The following PKHD1L1 variants were observed in gnomAD, a reference collection of about 807,000 sequenced individuals.
The protein encoded by PKHD1L1 is fibrocystin-L.
PKHD1L1 carries 434 observed loss-of-function variants against 462.9 expected under a neutral mutation model. That is an observed-to-expected ratio of 0.94 (90% CI 0.87 to 1.02). PKHD1L1 has a LOEUF of 1.02. Among genes scored for constraint, PKHD1L1 ranks in the 50% least tolerant of loss-of-function variants. PKHD1L1 has a pLI of 0.00. For synonymous variants in PKHD1L1, 1,781 were observed against 1,750.0 expected, an observed-to-expected ratio of 1.02 and a Z score of -0.44; for missense variants, 5,202 against 5,096.1, an observed-to-expected ratio of 1.02 and a Z score of -0.63.
chr8:109,480,398 T>C (rs866315791), intron 55 of PKHD1L1, among the ~76,000 whole-genome samples: 5 of 152,024 alleles, frequency 3.3e-5, no homozygotes, highest in East Asian at 1.9e-4. Context: ...ATAGAATATC[T>C]ATGTCATTAT....
rs142919709 is a variant in PKHD1L1, at chr8:109,454,171, G to A, written c.6669G>A (p.Gly2223=). Residue 2223 remains glycine (G), a synonymous_variant, in exon 44 of 78, where the codon GGG becomes GGA. Transcript: ENST00000378402. ...PILKMLLIQG[G]TLIFDEADIE... ...TCAAAATTGTATGATTCATAGGTGG[G>A]ACTCTAATATTTGATGAAGCTGACA... is the stretch of plus-strand genomic sequence containing the variant. 13 of 1,602,190 alleles carry A rather than the reference G, an allele frequency of 8.1e-6. No individual in the cohort carries two copies. The highest frequency in any genetic ancestry group is 8.5e-6 in the Non-Finnish European group (10 of 1,173,650).
intron 7 of PKHD1L1, 26 bp downstream of exon 7, chr8:109,388,576 AC>A: frequency 6.9e-7 from 1 of 1,442,240 alleles, no homozygotes; most frequent in Non-Finnish European, 9.5e-7. Flanking sequence ...TATTTTCTTT[AC>A]AAAAACAAAT....
At position 109,482,970 on chromosome 8, in the gene PKHD1L1, G is replaced by A. The variant is rs1818344369; in HGVS notation, c.9458-17G>A. 2 of 1,530,840 alleles carry A rather than the reference G, an allele frequency of 1.3e-6. No individual in the cohort carries two copies. The highest frequency in any genetic ancestry group is 1.8e-6 in the Non-Finnish European group (2 of 1,122,920). 94.8% of individuals were successfully genotyped at this position (1,530,840 alleles called of 1,614,324 possible). ...TACTGTGGGGTGAATAAGTAGGAGT[G>A]TGCTTTTCTTCTTTAGGGGTGTTTG... On this transcript the variant is annotated splice_polypyrimidine_tract_variant and intron_variant, in intron 56 of 77. Transcript: ENST00000378402.
At chr8:109,527,170 T>C (rs1820859768) in intron 77 of PKHD1L1, 150 bp downstream of exon 77, 2 of 711,094 alleles carry the variant, frequency 2.8e-6, no homozygotes, top group Non-Finnish European at 4.6e-6. Flanking sequence ...AGACAACCTA[T>C]GGAAAATGTT....
chr8:109,462,464 C>G (rs1321510740), intron 48 of PKHD1L1, among the ~76,000 whole-genome samples: 1 of 152,168 alleles, frequency 6.6e-6, no homozygotes, highest in Non-Finnish European at 1.5e-5. Flanking sequence ...TCGTGCCATG[C>G]TAGTCATAGA....
chr8:109,448,246 C>T lies in PKHD1L1; in HGVS notation c.5880C>T (p.Ala1960=). The T allele has an allele frequency of 6.2e-7, 1 of 1,613,104 alleles. No individual in the cohort carries two copies. Residue 1960 remains alanine (A), a synonymous_variant, in exon 39 of 78, where the codon GCC becomes GCT. Transcript: ENST00000378402. ...INNIQCNVTM[A]NDSVVQCIVG... The stretch of plus-strand genomic sequence containing the variant: ...ACATTCAGTGTAATGTAACCATGGC[C>T]AATGATAGTGTGGTGCAGTGCATCG...
chr8:109,479,472 T>C, intron 53 of PKHD1L1, 79 bp from the exon 54 acceptor site: 1 of 961,138 alleles, frequency 1.0e-6, no homozygotes, highest in Non-Finnish European at 1.6e-6. Flanking sequence ...TATGGGGAAA[T>C]GGAACGGTTT....
chr8:109,516,167 A>G (rs1395918433), intron 72 of PKHD1L1, among the ~76,000 whole-genome samples: 15 of 152,170 alleles, frequency 9.9e-5, no homozygotes, highest in Non-Finnish European at 5.9e-5. Flanking sequence ...TCTATGAGGT[A>G]GGCACAGATG....
intron 22 of PKHD1L1, 142 bp downstream of exon 22, chr8:109,419,402 G>C: frequency 1.6e-6 from 1 of 622,752 alleles, no homozygotes; most frequent in Non-Finnish European, 2.5e-6. Context: ...ATAATATTAT[G>C]ATTTTATTTT....
Position 109,464,818 on chromosome 8 carries a change from G to C in PKHD1L1, c.7986G>C (p.Trp2662Cys), listed in dbSNP as rs780982407. The change falls in exon 49 of 78, where the codon TGG (tryptophan) becomes TGC (cysteine). Residue 2662 changes from tryptophan to cysteine, a missense_variant. Physicochemically the swap from Trp to Cys is radical, Grantham distance 215. This residue lies in a region of PKHD1L1 where 4,497 missense variants were observed against 4,336.8 expected (regional missense o/e 1.04). Coordinates refer to ENST00000378402, the MANE Select transcript of PKHD1L1 (RefSeq NM_177531.6). ...TTWNCQKGAE[W>C]VNGGALQFHN... is the part of the protein sequence containing the mutation. ...GGAATTGTCAAAAAGGAGCTGAATGGGTCAATGGAGGTGCCCTTCAGTTCC... is the reference window on the plus strand; with the variant it reads ...GGAATTGTCAAAAAGGAGCTGAATGCGTCAATGGAGGTGCCCTTCAGTTCC... The C allele has an allele frequency of 2.5e-6, 4 of 1,613,670 alleles. No individual in the cohort carries two copies. The highest frequency in any genetic ancestry group is 1.7e-5 in the Admixed American group (1 of 59,938).
chr8:109,509,241 G>A (rs1009598492), intron 70 of PKHD1L1, among the ~76,000 whole-genome samples: 6 of 151,988 alleles, frequency 3.9e-5, no homozygotes, highest in Non-Finnish European at 8.8e-5. Context: ...TTTAGATGCT[G>A]CTTTTCGGAT....
chr8:109,532,799 C>T lies in PKHD1L1; in HGVS notation c.*2709C>T, dbSNP rs1354943858. ...TTGCAATGACTTCTAGATGGTCCAT[C>T]TGTTTTTACCTTTTATCCATTTTAT... On this transcript the variant is annotated 3_prime_UTR_variant, in exon 78 of 78. Transcript: ENST00000378402. Among the ~76,000 whole-genome samples the T allele has an allele frequency of 6.6e-6, 1 of 152,184 alleles. No individual in the cohort carries two copies. Among genetic ancestry groups the T allele is most frequent in the East Asian group, 1.9e-4 (1 of 5,200 alleles).
chr8:109,463,388 C>G (rs1817245646), intron 48 of PKHD1L1, among the ~76,000 whole-genome samples: 1 of 151,946 alleles, frequency 6.6e-6, no homozygotes, highest in Non-Finnish European at 1.5e-5. Flanking sequence ...GTAAACTTCC[C>G]TCCTCCTGAG....
At chr8:109,500,912 A>G (rs990058133) in intron 67 of PKHD1L1, among the ~76,000 whole-genome samples, 1 of 152,088 alleles carries the variant, frequency 6.6e-6, no homozygotes, top group Non-Finnish European at 1.5e-5. Context: ...ACAATGAGGT[A>G]GGTATAACTT....
intron 8 of PKHD1L1, among the ~76,000 whole-genome samples, 161 bp downstream of exon 8, chr8:109,389,313 T>G (rs1812595214): frequency 6.6e-6 from 1 of 152,194 alleles, no homozygotes; most frequent in South Asian, 2.1e-4. Context: ...TTCACTTTCA[T>G]GCAAACATGT....
intron 50 of PKHD1L1, chr8:109,470,248 C>A: frequency 1.5e-6 from 2 of 1,372,220 alleles, no homozygotes; most frequent in Admixed American, 1.8e-5. Flanking sequence ...CTCAGATCAT[C>A]ATGAAAACAA....
In PKHD1L1 at chr8:109,440,787, G is replaced by A; in HGVS notation, c.4034G>A (p.Gly1345Glu). The A allele has an allele frequency of 6.2e-7, 1 of 1,613,096 alleles. No homozygotes were observed. The highest frequency in any genetic ancestry group is 8.5e-7 in the Non-Finnish European group (1 of 1,179,340). The part of the protein sequence containing the change: ...MFPQRGSLFG[G>E]TEITIRGFGF... ...CCACAAAGAGGCTCCTTGTTTGGTG[G>A]AACTGAAATCACCATAAGGGGTTTT... Residue 1345 changes from glycine (G) to glutamate (E), a missense_variant, in exon 33 of 78, where the codon GGA becomes GAA. Transcript: ENST00000378402.
At chr8:109,430,101 T>C (rs1382101179) in intron 27 of PKHD1L1, 64 bp downstream of exon 27, 4 of 1,013,294 alleles carry the variant, frequency 3.9e-6, no homozygotes, top group Admixed American at 5.5e-5. Flanking sequence ...TAAACTCTGA[T>C]AATGACTTTT....
At chr8:109,416,530 G>A (rs921281119) in intron 21 of PKHD1L1, among the ~76,000 whole-genome samples, 2 of 152,122 alleles carry the variant, frequency 1.3e-5, no homozygotes, top group Non-Finnish European at 2.9e-5. Context: ...AAAACATGTT[G>A]CATCCCCCAG....
Sources: gnomAD v4.1 joint callset for allele counts (sites outside exome capture counted in the v4.1 genomes callset) on GRCh38, gnomAD v4.1.1 for gene constraint, gnomAD v4.1.1 regional missense constraint, MANE v1.5 for transcripts, NCBI Gene and HGNC (gene_info 2026-07-23, HGNC 2026-07-21) for gene names.